Variants in SERGEF observed in about 807,000 individuals in gnomAD.
The protein encoded by SERGEF is secretion-regulating guanine nucleotide exchange factor.
Under a neutral mutation model 50.0 loss-of-function variants are expected in SERGEF, and 51 were observed. That is an observed-to-expected ratio of 1.02 (90% CI 0.81 to 1.29). SERGEF has a LOEUF of 1.29. SERGEF is among the 50% of genes most tolerant of loss of function. The pLI is 0.00. For synonymous variants in SERGEF, 205 were observed against 212.4 expected, an observed-to-expected ratio of 0.97 and a Z score of 0.30; for missense variants, 521 against 557.0, an observed-to-expected ratio of 0.94 and a Z score of 0.65.
At chr11:17,948,612 T>C (rs1852714771) in intron 9 of SERGEF, among the ~76,000 whole-genome samples, 1 of 152,192 alleles carries the variant, frequency 6.6e-6, no homozygotes, top group Non-Finnish European at 1.5e-5. Flanking sequence ...GGAGTGCTGC[T>C]TACAGTGACA....
intron 4 of SERGEF, among the ~76,000 whole-genome samples, chr11:18,004,152 C>G (rs538020407): frequency 2.0e-5 from 3 of 152,184 alleles, no homozygotes; most frequent in African/African-American, 7.2e-5. Context: ...TCCATTATTA[C>G]TAATTTTAGA....
At chr11:17,957,285 G>A (rs957869312) in intron 9 of SERGEF, among the ~76,000 whole-genome samples, 29 of 152,244 alleles carry the variant, frequency 1.9e-4, no homozygotes, top group Middle Eastern at 3.4e-3. Context: ...AATTTCAAAC[G>A]GTAAGAAGAG....
chr11:17,841,190 C>T (rs894650375), intron 10 of SERGEF, among the ~76,000 whole-genome samples: 1 of 152,190 alleles, frequency 6.6e-6, no homozygotes, highest in Non-Finnish European at 1.5e-5. Flanking sequence ...TCGGGGCATC[C>T]TAAGGCCATT....
chr11:17,893,058 A>G (rs1192646645), intron 9 of SERGEF, among the ~76,000 whole-genome samples: 2 of 152,224 alleles, frequency 1.3e-5, no homozygotes, highest in Non-Finnish European at 2.9e-5. Flanking sequence ...ACAGGAGAAC[A>G]TCAAGACCTA....
At chr11:17,923,990 A>G (rs1217260413) in intron 9 of SERGEF, among the ~76,000 whole-genome samples, 1 of 152,118 alleles carries the variant, frequency 6.6e-6, no homozygotes, top group Non-Finnish European at 1.5e-5. Context: ...AGTCATTTAA[A>G]CTCTCTAAGC....
At chr11:17,838,091 G>A (rs1001246369) in intron 10 of SERGEF, among the ~76,000 whole-genome samples, 2 of 152,246 alleles carry the variant, frequency 1.3e-5, no homozygotes, top group Admixed American at 1.3e-4. Flanking sequence ...GGTGCCATAT[G>A]TGGCCTCTCA....
At chr11:17,921,980 T>A (rs1438887904) in intron 9 of SERGEF, among the ~76,000 whole-genome samples, 1 of 152,166 alleles carries the variant, frequency 6.6e-6, no homozygotes, top group East Asian at 1.9e-4. Flanking sequence ...CTTTCCCTAG[T>A]GCAAACTCCC....
Position 17,861,309 on chromosome 11 carries a change from C to G in SERGEF, c.1048+16899G>C, listed in dbSNP as rs1459411207. On this transcript the variant is annotated intron_variant, in intron 10 of 10. Transcript: ENST00000265965. ...CTCCAATGATACACACATACAGAAG[C>G]TATTATTATCTCAGTCTTTAAGGAT... Among the ~76,000 whole-genome samples, 3 of 152,286 alleles carry G rather than the reference C, an allele frequency of 2.0e-5. No homozygotes were observed. The East Asian group carries it at 5.8e-4, about 29-fold the overall frequency.
At chr11:17,958,857 G>GT (rs554149824) in intron 9 of SERGEF, among the ~76,000 whole-genome samples, 200 of 151,614 alleles carry the variant, frequency 1.3e-3, no homozygotes, top group African/African-American at 4.6e-3. Context: ...TTTTTTTGTT[G>GT]TTTTTTTTGT....
At chr11:17,930,484 A>C (rs1381747166) in intron 9 of SERGEF, among the ~76,000 whole-genome samples, 3 of 152,192 alleles carry the variant, frequency 2.0e-5, no homozygotes, top group Non-Finnish European at 4.4e-5. Context: ...GACTAAGCCT[A>C]CAGATGGAGG....
rs186190456 is a variant in SERGEF at position 17,962,925 on chromosome 11, T to C, written c.845-3289A>G. On this transcript the variant is annotated intron_variant, in intron 8 of 10. Transcript: ENST00000265965. ...GGCCAGGCACAGTGGCTCACGCCTG[T>C]AATCCCAGCACTTTGGGAGGCCAAG... 5.9e-3 allele frequency among the ~76,000 whole-genome samples: 901 copies of C among 152,218 alleles called. 14 individuals carry two copies. The highest frequency in any genetic ancestry group is 0.02 in the African/African-American group (837 of 41,542).
intron 10 of SERGEF, among the ~76,000 whole-genome samples, chr11:17,788,894 C>A (rs1411234198): frequency 6.6e-6 from 1 of 152,200 alleles, no homozygotes; most frequent in African/African-American, 2.4e-5. Context: ...AGACAATCTT[C>A]GACAACTGCA....
At chr11:17,797,143 C>T (rs1295236607) in intron 10 of SERGEF, among the ~76,000 whole-genome samples, 1 of 152,224 alleles carries the variant, frequency 6.6e-6, no homozygotes, top group Non-Finnish European at 1.5e-5. Context: ...TCTCTGCTGC[C>T]TCTGTTTCCC....
chr11:17,897,754 G>C (rs889876857), intron 9 of SERGEF, among the ~76,000 whole-genome samples: 3 of 152,152 alleles, frequency 2.0e-5, no homozygotes, highest in Non-Finnish European at 4.4e-5. Flanking sequence ...GCTGTGGTTG[G>C]GGTGGATTGG....
At chr11:17,904,378 A>G (rs191422408) in intron 9 of SERGEF, among the ~76,000 whole-genome samples, 1 of 152,248 alleles carries the variant, frequency 6.6e-6, no homozygotes, top group African/African-American at 2.4e-5. Flanking sequence ...GATCCTGGAA[A>G]GACTACCCAG....
chr11:18,000,656 G>T, intron 4 of SERGEF, 99 bp from the exon 5 acceptor site: 1 of 870,958 alleles, frequency 1.1e-6, no homozygotes, highest in Non-Finnish European at 1.9e-6. Flanking sequence ...CCTCATTATG[G>T]GTCTGACTGG....
At chr11:17,867,784 C>A (rs1003550122) in intron 10 of SERGEF, among the ~76,000 whole-genome samples, 4 of 152,226 alleles carry the variant, frequency 2.6e-5, no homozygotes, top group African/African-American at 9.6e-5. Flanking sequence ...AACCCCAATT[C>A]TTGACTTTGG....
chr11:17,789,495 T>A (rs534434077), intron 10 of SERGEF, among the ~76,000 whole-genome samples: 1 of 152,272 alleles, frequency 6.6e-6, no homozygotes, highest in Non-Finnish European at 1.5e-5. Flanking sequence ...ACTCCAACAG[T>A]CCACCCATCA....
At chr11:17,967,346 G>A (rs145284886) in intron 8 of SERGEF, among the ~76,000 whole-genome samples, 10 of 152,288 alleles carry the variant, frequency 6.6e-5, no homozygotes, top group African/African-American at 2.2e-4. Context: ...GTGAACATTC[G>A]CAAGGACTTC....
Sources: allele counts gnomAD v4.1 joint callset (sites outside exome capture counted in the v4.1 genomes callset), GRCh38; gene constraint gnomAD v4.1.1; transcripts MANE v1.5; gene names NCBI Gene and HGNC (gene_info 2026-07-23, HGNC 2026-07-21).